The following UNC80 variants were observed in gnomAD, a reference collection of about 807,000 sequenced individuals.
UNC80 encodes the protein unc-80 subunit of NALCN channel complex.
Under a neutral mutation model 384.6 loss-of-function variants are expected in UNC80, and 164 were observed. The ratio of observed to expected loss-of-function variants is 0.43; its 90% CI spans 0.38 to 0.49. The LOEUF (loss-of-function observed/expected upper bound fraction) is 0.49. Among genes scored for constraint, UNC80 ranks in the 20% least tolerant of loss-of-function variants. The pLI, the probability that UNC80 is intolerant of heterozygous loss-of-function variation, is 0.00. For synonymous variants in UNC80, 1,486 were observed against 1,527.8 expected (o/e 0.97, Z 0.64); for missense variants, 3,330 against 4,143.0 (o/e 0.80, Z 5.39).
In UNC80 at chr2:209,939,454, T is replaced by C; in HGVS notation, c.6466-18T>C. On this transcript the variant is annotated intron_variant, in intron 42 of 64. Coordinates refer to ENST00000673920, the MANE Select transcript of UNC80 (RefSeq NM_001371986.1). ...TCTAATACTCCTTTTTGTCTGCTCC[T>C]GCTTTTGTTTTCTCCAGGTGTTCAC... 6.5e-7 allele frequency: 1 copy of C among 1,540,506 alleles called. No individual in the cohort carries two copies. The highest frequency in any genetic ancestry group is 8.8e-7 in the Non-Finnish European group (1 of 1,140,272).
chr2:209,789,403 C>T (rs573253521), intron 5 of UNC80, 129 bp from the exon 6 acceptor site: 30 of 647,414 alleles, frequency 4.6e-5, no homozygotes, highest in East Asian at 3.3e-4. Flanking sequence ...TTACAATATG[C>T]GTTAATGTCT....
intron 49 of UNC80, 56 bp from the exon 50 acceptor site, chr2:209,959,063 C>A: frequency 3.3e-6 from 5 of 1,507,004 alleles, no homozygotes; most frequent in Middle Eastern, 1.7e-4. Flanking sequence ...GAAGCCCCAA[C>A]CAAAGGACCC....
chr2:209,796,753 C>T (rs895666331), intron 7 of UNC80, among the ~76,000 whole-genome samples: 3 of 152,208 alleles, frequency 2.0e-5, no homozygotes, highest in African/African-American at 4.8e-5. Flanking sequence ...TCACATCCTG[C>T]CATGATTCTG....
intron 18 of UNC80, among the ~76,000 whole-genome samples, chr2:209,838,946 A>G (rs1020734971): frequency 2.0e-5 from 3 of 152,286 alleles, no homozygotes; most frequent in Admixed American, 2.0e-4. Flanking sequence ...ACACCTGCAG[A>G]TGAATACCTG....
intron 60 of UNC80, among the ~76,000 whole-genome samples, chr2:209,984,561 T>A (rs1273872586): frequency 6.6e-6 from 1 of 152,108 alleles, no homozygotes; most frequent in Non-Finnish European, 1.5e-5. Flanking sequence ...TTCTGCAATG[T>A]GTTTCAGAGC....
chr2:209,918,958 A>C (rs549781259), intron 33 of UNC80, among the ~76,000 whole-genome samples: 1 of 152,350 alleles, frequency 6.6e-6, no homozygotes, highest in East Asian at 1.9e-4. Flanking sequence ...TATTTATTAC[A>C]AACGAACATA....
intron 2 of UNC80, among the ~76,000 whole-genome samples, chr2:209,774,558 T>C (rs1338875949): frequency 1.3e-5 from 2 of 152,292 alleles, no homozygotes; most frequent in African/African-American, 4.8e-5. Flanking sequence ...TGACACTTAA[T>C]GAGAAAATGA....
chr2:209,846,535 G>T (rs2082183931), intron 21 of UNC80, among the ~76,000 whole-genome samples: 1 of 151,812 alleles, frequency 6.6e-6, no homozygotes, highest in African/African-American at 2.4e-5. Context: ...ACCCATAAGT[G>T]TATATGATAA....
intron 51 of UNC80, among the ~76,000 whole-genome samples, chr2:209,960,425 A>G (rs769823089): frequency 1.3e-5 from 2 of 152,234 alleles, no homozygotes; most frequent in Non-Finnish European, 2.9e-5. Flanking sequence ...ACGTGATTCC[A>G]GAGGACCTTC....
chr2:209,814,728 C>G lies in UNC80; in HGVS notation c.1201-529C>G, dbSNP rs576912705. 2.6e-5 allele frequency among the ~76,000 whole-genome samples: 4 copies of G among 152,240 alleles called. No individual in the cohort carries two copies. The East Asian group carries it at 7.7e-4, about 29-fold the overall frequency. The stretch of plus-strand genomic sequence containing the variant: ...TTGAACACTTGTTCTTGCCCTCTTT[C>G]TCGTCAACACCAGGTGTTGAAAATG... On this transcript the variant is annotated intron_variant, in intron 8 of 64. Coordinates refer to ENST00000673920, the MANE Select transcript of UNC80 (RefSeq NM_001371986.1).
At chr2:209,979,628 T>C (rs940351969) in intron 59 of UNC80, among the ~76,000 whole-genome samples, 2 of 152,220 alleles carry the variant, frequency 1.3e-5, no homozygotes, top group African/African-American at 4.8e-5. Context: ...ACTACATATG[T>C]ATGCTTCACA....
At chr2:209,889,341 T>G (rs1359537079) in intron 26 of UNC80, among the ~76,000 whole-genome samples, 2 of 152,234 alleles carry the variant, frequency 1.3e-5, no homozygotes, top group Non-Finnish European at 1.5e-5. Context: ...AAGGATGTTT[T>G]CTAGACAGTG....
chr2:209,939,496 G>A lies in UNC80; in HGVS notation c.6490G>A (p.Val2164Ile), dbSNP rs1345483276. 5.8e-6 allele frequency: 9 copies of A among 1,550,842 alleles called. No homozygotes were observed. Among genetic ancestry groups the A allele is most frequent in the Non-Finnish European group, 7.0e-6 (8 of 1,146,566 alleles). The change falls in exon 43 of 65, where the codon GTA becomes ATA. Residue 2164 changes from valine to isoleucine, a missense_variant. This residue lies in a region of UNC80 where 1,049 missense variants were observed against 1,488.6 expected (regional missense o/e 0.70). Coordinates refer to ENST00000673920, the MANE Select transcript of UNC80 (RefSeq NM_001371986.1). ...KQVFTRKLEE[V>I]GRVLFLISLT... is the part of the protein sequence containing the mutation. The stretch of plus-strand genomic sequence containing the variant: ...GGTGTTCACCCGAAAGCTGGAAGAA[G>A]TAGGGCGGGTGTTGTTTCTCATCTC...
rs1405044284 is a variant in UNC80, at chr2:209,872,666, A to G, written c.3628-92A>G. On this transcript the variant is annotated intron_variant, in intron 22 of 64. Coordinates refer to ENST00000673920, the MANE Select transcript of UNC80 (RefSeq NM_001371986.1). This position sits in a 1 kb window ranked among gnomAD's most constrained non-coding sequence, Gnocchi z 4.1. The stretch of plus-strand genomic sequence containing the variant: ...TAAATCAAAACATGAAGAGGAAAAT[A>G]AACTAAAAATACACAGTAATTCCCT... 19 of 1,200,442 alleles carry G rather than the reference A, an allele frequency of 1.6e-5. No homozygotes were observed. The highest frequency in any genetic ancestry group is 2.1e-5 in the Admixed American group (1 of 47,878). The allele number at this position is 1,200,442 out of a possible 1,614,324, so 74.4% of individuals were successfully genotyped here.
At chr2:209,840,738 A>C in intron 20 of UNC80, 90 bp downstream of exon 20, 1 of 1,038,938 alleles carries the variant, frequency 9.6e-7, no homozygotes, top group South Asian at 1.6e-5. Flanking sequence ...TGCAGGGGCC[A>C]AATAAGGAAA....
In UNC80 at chr2:209,903,827, C is replaced by T. The variant is rs113502816; in HGVS notation, c.4582-938C>T. 2.9e-3 allele frequency among the ~76,000 whole-genome samples: 445 copies of T among 151,420 alleles called. 2 individuals are homozygous for T. Among genetic ancestry groups the T allele is most frequent in the Middle Eastern group, 0.01 (3 of 294 alleles). The stretch of plus-strand genomic sequence containing the variant: ...AGCTAGGTCCTCTGCTTTAGGATCT[C>T]CCACATGGCTGCAATCAACATATTG... On this transcript the variant is annotated intron_variant, in intron 28 of 64. Coordinates refer to ENST00000673920, the MANE Select transcript of UNC80 (RefSeq NM_001371986.1).
intron 25 of UNC80, among the ~76,000 whole-genome samples, chr2:209,884,596 G>A (rs982784526): frequency 1.3e-5 from 2 of 152,126 alleles, no homozygotes; most frequent in African/African-American, 4.8e-5. Context: ...ATACATACAT[G>A]TGTATGTTCA....
chr2:209,801,660 T>A (rs2078563287), intron 7 of UNC80, among the ~76,000 whole-genome samples: 2 of 150,014 alleles, frequency 1.3e-5, no homozygotes, highest in South Asian at 2.1e-4. Context: ...GGATTACAGG[T>A]GTGATCTACC....
At chr2:209,792,568 C>G (rs1016642223) in intron 6 of UNC80, among the ~76,000 whole-genome samples, 2 of 152,070 alleles carry the variant, frequency 1.3e-5, no homozygotes, top group Non-Finnish European at 2.9e-5. Flanking sequence ...CGGATGGTCT[C>G]GATCTCCTGA....
Sources: gnomAD v4.1 joint callset for allele counts (sites outside exome capture counted in the v4.1 genomes callset) on GRCh38, gnomAD v4.1.1 for gene constraint, gnomAD v4.1.1 regional missense constraint, Gnocchi (gnomAD v3.1) non-coding constraint, MANE v1.5 for transcripts, NCBI Gene and HGNC (gene_info 2026-07-23, HGNC 2026-07-21) for gene names.